Variants in SDK1 observed in about 807,000 individuals in gnomAD.
SDK1 encodes the protein sidekick cell adhesion molecule 1.
In SDK1, 157 loss-of-function variants were observed where a neutral mutation model predicts 245.5. The observed-to-expected ratio is 0.64, with a 90% CI of 0.56 to 0.73. The LOEUF is 0.73. Ranked by LOEUF, SDK1 falls within the 30% of genes least tolerant of loss-of-function variation. SDK1 has a pLI of 0.00. For synonymous variants in SDK1, 1,647 were observed against 1,278.5 expected, an observed-to-expected ratio of 1.29 and a Z score of -6.15; for missense variants, 3,583 against 3,002.3, an observed-to-expected ratio of 1.19 and a Z score of -4.52.
At chr7:3,386,264 C>G (rs1196919678) in intron 1 of SDK1, among the ~76,000 whole-genome samples, 1 of 151,666 alleles carries the variant, frequency 6.6e-6, no homozygotes, top group Non-Finnish European at 1.5e-5. Flanking sequence ...TATACTTTAT[C>G]TATTAGAAGT....
intron 31 of SDK1, among the ~76,000 whole-genome samples, chr7:4,160,971 G>A (rs1187530980): frequency 6.6e-6 from 1 of 152,192 alleles, no homozygotes; most frequent in Non-Finnish European, 1.5e-5. Flanking sequence ...GTGTGCCTGT[G>A]GGAAGAACAT....
intron 1 of SDK1, among the ~76,000 whole-genome samples, chr7:3,538,517 T>G (rs550248614): frequency 2.6e-4 from 39 of 152,336 alleles, no homozygotes; most frequent in South Asian, 2.5e-3. Flanking sequence ...CTTGCCTGTT[T>G]CCCTGTCAGC....
intron 20 of SDK1, among the ~76,000 whole-genome samples, chr7:4,075,951 C>A (rs942059689): frequency 6.6e-6 from 1 of 152,146 alleles, no homozygotes; most frequent in East Asian, 1.9e-4. Context: ...CCGTGCCCCG[C>A]AGGTCTTTTT....
chr7:3,727,100 T>G (rs570980927), intron 4 of SDK1, among the ~76,000 whole-genome samples: 7 of 152,368 alleles, frequency 4.6e-5, no homozygotes, highest in East Asian at 3.9e-4. Flanking sequence ...GCAGGCTTGC[T>G]GTGAGGAAGG....
chr7:3,394,937 T>C (rs1781855382), intron 1 of SDK1, among the ~76,000 whole-genome samples: 1 of 152,058 alleles, frequency 6.6e-6, no homozygotes, highest in Non-Finnish European at 1.5e-5. Context: ...TACAGGATCA[T>C]GTCATCTTCA....
Position 4,049,427 on chromosome 7 carries a change from T to C in SDK1, c.2682T>C (p.Pro894=). ...TTIQFLWNPP[P]QQFINGINQG... ...TTCAGTTCCTGTGGAACCCTCCGCC[T>C]CAGCAGTTTATCAATGGCATCAACC... The change falls in exon 18 of 45, where the codon CCT becomes CCC. Residue 894 remains proline (P), a synonymous_variant. Coordinates refer to ENST00000404826, the MANE Select transcript of SDK1 (RefSeq NM_152744.4). 1 of 1,614,096 alleles carries C rather than the reference T, an allele frequency of 6.2e-7. No homozygotes were observed. Among genetic ancestry groups the C allele is most frequent in the South Asian group, 1.1e-5 (1 of 91,068 alleles).
chr7:3,487,754 CAAAAAAA>C (rs764105126), intron 1 of SDK1, among the ~76,000 whole-genome samples: 2 of 64,946 alleles, frequency 3.1e-5, no homozygotes, highest in Admixed American at 2.2e-4. Context: ...GACCCCATCT[CAAAAAAA>C]AAAAAAAAAA....
At chr7:3,764,038 A>G (rs75801875) in intron 4 of SDK1, among the ~76,000 whole-genome samples, 1 of 152,282 alleles carries the variant, frequency 6.6e-6, no homozygotes, top group East Asian at 1.9e-4. Context: ...CAGCCTTGGT[A>G]TGGGGATTTG....
At chr7:4,246,561 G>A (rs1786873923) in intron 44 of SDK1, among the ~76,000 whole-genome samples, 1 of 152,064 alleles carries the variant, frequency 6.6e-6, no homozygotes, top group Non-Finnish European at 1.5e-5. Flanking sequence ...GCTCACCCCT[G>A]GACATTCGTT....
At chr7:3,389,657 C>G (rs1420209970) in intron 1 of SDK1, among the ~76,000 whole-genome samples, 2 of 152,126 alleles carry the variant, frequency 1.3e-5, no homozygotes, top group Non-Finnish European at 2.9e-5. Flanking sequence ...CCAAGCTACT[C>G]AGGAGGCTGA....
intron 4 of SDK1, among the ~76,000 whole-genome samples, chr7:3,733,958 T>G (rs1379405436): frequency 2.6e-5 from 4 of 152,136 alleles, no homozygotes; most frequent in African/African-American, 7.2e-5. Flanking sequence ...AGCTTTTTAT[T>G]TTCAAAAGGC....
chr7:3,408,457 T>G (rs1472077102), intron 1 of SDK1, among the ~76,000 whole-genome samples: 1 of 152,262 alleles, frequency 6.6e-6, no homozygotes, highest in Non-Finnish European at 1.5e-5. Flanking sequence ...TTAATTATTT[T>G]TAAATTTAGA....
At chr7:4,221,482 C>A in intron 40 of SDK1, 118 bp downstream of exon 40, 1 of 1,307,092 alleles carries the variant, frequency 7.7e-7, no homozygotes, top group Non-Finnish European at 1.0e-6. Flanking sequence ...AAAGCTGGGA[C>A]CAAGAGGGCG....
chr7:3,479,351 G>A (rs1282905539), intron 1 of SDK1, among the ~76,000 whole-genome samples: 1 of 148,038 alleles, frequency 6.8e-6, no homozygotes, highest in African/African-American at 2.5e-5. Context: ...GAACCCGGGA[G>A]GTAGAGGTTG....
intron 1 of SDK1, among the ~76,000 whole-genome samples, chr7:3,544,580 T>C (rs78802541): frequency 2.0e-5 from 3 of 152,256 alleles, no homozygotes; most frequent in African/African-American, 7.2e-5. Flanking sequence ...TCATTGATTC[T>C]AGATTTTAAC....
At chr7:3,459,567 G>A (rs1432043594) in intron 1 of SDK1, among the ~76,000 whole-genome samples, 1 of 152,158 alleles carries the variant, frequency 6.6e-6, no homozygotes, top group Non-Finnish European at 1.5e-5. Context: ...AAGGAAGTGG[G>A]GAGGAGGACA....
chr7:3,708,302 C>T lies in SDK1; in HGVS notation c.713+66197C>T, dbSNP rs143038716. Among the ~76,000 whole-genome samples, 562 of 151,004 alleles carry T rather than the reference C, an allele frequency of 3.7e-3. 7 individuals are homozygous for T. The highest frequency in any genetic ancestry group is 0.013 in the African/African-American group (531 of 40,990). On this transcript the variant is annotated intron_variant, in intron 4 of 44. Transcript: ENST00000404826. Reference sequence around the variant, plus strand: ...AGGTCCAGTTACCTCCCACCAGGCCCTCCATACCTCCAAGGTCCAGTTACC... The same window carrying T: ...AGGTCCAGTTACCTCCCACCAGGCCTTCCATACCTCCAAGGTCCAGTTACC...
At chr7:3,771,980 G>T (rs181946181) in intron 4 of SDK1, among the ~76,000 whole-genome samples, 2 of 152,202 alleles carry the variant, frequency 1.3e-5, no homozygotes, top group Admixed American at 1.3e-4. Context: ...TGTCTACTCC[G>T]TGTACTTCAT....
intron 4 of SDK1, among the ~76,000 whole-genome samples, chr7:3,744,298 C>T (rs191236829): frequency 4.6e-4 from 70 of 152,160 alleles, no homozygotes; most frequent in Non-Finnish European, 6.5e-4. Context: ...CTGCATAGCA[C>T]GTATCACTAC....
Sources: allele counts gnomAD v4.1 joint callset (sites outside exome capture counted in the v4.1 genomes callset), GRCh38; gene constraint gnomAD v4.1.1; transcripts MANE v1.5; gene names NCBI Gene and HGNC (gene_info 2026-07-23, HGNC 2026-07-21).